The following UMAD1 variants were observed in gnomAD, a reference collection of about 807,000 sequenced individuals.
UMAD1 encodes the protein UBAP1-MVB12-associated (UMA)-domain containing protein 1.
In UMAD1, 8 loss-of-function variants were observed where a neutral mutation model predicts 6.1. The observed-to-expected ratio is 1.30, with a 90% CI of 0.76 to 2.35. UMAD1 has a LOEUF of 2.35. UMAD1 is among the 30% of genes most tolerant of loss of function. The pLI, the probability that UMAD1 is intolerant of heterozygous loss-of-function variation, is 0.00. For synonymous variants in UMAD1, 56 were observed against 31.4 expected (o/e 1.78, Z -2.61); for missense variants, 130 against 78.4 (o/e 1.66, Z -2.49).
chr7:7,667,203 G>T (rs1364466859), intron 1 of UMAD1, among the ~76,000 whole-genome samples: 2 of 152,178 alleles, frequency 1.3e-5, no homozygotes, highest in Admixed American at 6.5e-5. Context: ...GCTCAGATAG[G>T]TAAGTTGCCA....
At chr7:7,825,126 G>A (rs1783314917) in intron 3 of UMAD1, among the ~76,000 whole-genome samples, 1 of 152,020 alleles carries the variant, frequency 6.6e-6, no homozygotes, top group Non-Finnish European at 1.5e-5. Context: ...TTAGAGATGG[G>A]AATAGAGTGG....
chr7:7,657,828 G>C, intron 1 of UMAD1, among the ~76,000 whole-genome samples: 1 of 152,132 alleles, frequency 6.6e-6, no homozygotes, highest in East Asian at 1.9e-4. Flanking sequence ...ATTTAAAGTA[G>C]TTTTTTCTAA....
At chr7:7,770,877 G>T (rs796690155) in intron 2 of UMAD1, among the ~76,000 whole-genome samples, 7 of 152,094 alleles carry the variant, frequency 4.6e-5, no homozygotes, top group African/African-American at 1.7e-4. Context: ...GAAAGTATGG[G>T]GCATATGATG....
intron 2 of UMAD1, among the ~76,000 whole-genome samples, chr7:7,751,233 T>G (rs566508643): frequency 5.9e-5 from 9 of 152,226 alleles, no homozygotes; most frequent in Admixed American, 1.3e-4. Context: ...TATCATGATT[T>G]TAGCCCATAT....
At chr7:7,716,807 A>G (rs749248988) in intron 2 of UMAD1, among the ~76,000 whole-genome samples, 3 of 152,150 alleles carry the variant, frequency 2.0e-5, no homozygotes, top group East Asian at 1.9e-4. Flanking sequence ...TTAGGCGGGC[A>G]TGGTGGCGGG....
At chr7:7,655,406 A>C (rs909592742) in intron 1 of UMAD1, among the ~76,000 whole-genome samples, 13 of 152,248 alleles carry the variant, frequency 8.5e-5, no homozygotes, top group Admixed American at 5.9e-4. Flanking sequence ...AGAAAAAATA[A>C]AATAAATTAA....
chr7:7,832,722 A>C (rs887273787), intron 3 of UMAD1, among the ~76,000 whole-genome samples: 4 of 152,228 alleles, frequency 2.6e-5, no homozygotes, highest in Non-Finnish European at 5.9e-5. Flanking sequence ...AGAGATGGCC[A>C]AAGTACAGTT....
chr7:7,799,070 C>T (rs1782745836), intron 2 of UMAD1, among the ~76,000 whole-genome samples: 1 of 151,716 alleles, frequency 6.6e-6, no homozygotes, highest in Non-Finnish European at 1.5e-5. Context: ...TTTCTCATAC[C>T]CATTTTTGCT....
intron 1 of UMAD1, among the ~76,000 whole-genome samples, chr7:7,658,257 C>T (rs1027742892): frequency 6.6e-6 from 1 of 152,228 alleles, no homozygotes; most frequent in Non-Finnish European, 1.5e-5. Context: ...CATCTGCAAA[C>T]AGAGACAATT....
intron 2 of UMAD1, among the ~76,000 whole-genome samples, chr7:7,774,610 A>C (rs71533377): frequency 6.6e-6 from 1 of 152,242 alleles, no homozygotes; most frequent in Middle Eastern, 3.2e-3. Context: ...ACAACCAAGG[A>C]AAGAGAATAC....
intron 3 of UMAD1, among the ~76,000 whole-genome samples, chr7:7,804,939 C>G (rs1306840306): frequency 6.6e-6 from 1 of 152,124 alleles, no homozygotes; most frequent in Non-Finnish European, 1.5e-5. Flanking sequence ...CGAGATCACA[C>G]CACTGCACTC....
At chr7:7,654,921 T>G (rs1319557662) in intron 1 of UMAD1, among the ~76,000 whole-genome samples, 4 of 151,544 alleles carry the variant, frequency 2.6e-5, no homozygotes, top group Non-Finnish European at 5.9e-5. Flanking sequence ...AAAAAAAATT[T>G]GTGATATTTT....
chr7:7,768,961 A>T (rs1278000539), intron 2 of UMAD1, among the ~76,000 whole-genome samples: 1 of 152,142 alleles, frequency 6.6e-6, no homozygotes, highest in Non-Finnish European at 1.5e-5. Context: ...TCTCTGTGGT[A>T]TTAGATGGAG....
At chr7:7,755,225 C>T (rs75688328) in intron 2 of UMAD1, among the ~76,000 whole-genome samples, 1,820 of 152,260 alleles carry the variant, frequency 0.012, 37 homozygotes, top group African/African-American at 0.042. Flanking sequence ...AGACTTTCCA[C>T]GTACAAAATT....
chr7:7,750,205 A>AAGAAGTCTTAAATG, intron 2 of UMAD1, among the ~76,000 whole-genome samples: 1 of 152,294 alleles, frequency 6.6e-6, no homozygotes, highest in Non-Finnish European at 1.5e-5. Flanking sequence ...TAAGAAGTCT[A>AAGAAGTCTTAAATG]GGTAGTATTT....
chr7:7,644,367 T>A (rs1378041562), intron 1 of UMAD1, among the ~76,000 whole-genome samples: 3 of 151,212 alleles, frequency 2.0e-5, no homozygotes, highest in African/African-American at 7.3e-5. Context: ...TTTTTTTTTT[T>A]ATTAGGAAGA....
At chr7:7,741,063 A>C (rs1022575788) in intron 2 of UMAD1, 1 of 152,164 alleles carries the variant, frequency 6.6e-6, no homozygotes, top group South Asian at 2.1e-4. Flanking sequence ...TTAAAATTTT[A>C]CATTCCATTT....
chr7:7,755,133 T>C (rs1376674965), intron 2 of UMAD1, among the ~76,000 whole-genome samples: 2 of 152,186 alleles, frequency 1.3e-5, no homozygotes, highest in Admixed American at 6.5e-5. Flanking sequence ...ATCTGTTTTC[T>C]CACTGCTATT....
chr7:7,859,939 A>G (rs1317098909), intron 3 of UMAD1, among the ~76,000 whole-genome samples: 10 of 152,192 alleles, frequency 6.6e-5, no homozygotes, highest in Admixed American at 6.5e-4. Context: ...ATAATTTTTG[A>G]AATTTATTAA....
Sources: allele counts gnomAD v4.1 joint callset (sites outside exome capture counted in the v4.1 genomes callset), GRCh38; gene constraint gnomAD v4.1.1; transcripts MANE v1.5; gene names NCBI Gene and HGNC (gene_info 2026-07-23, HGNC 2026-07-21).